Variants in REPS2 observed in about 807,000 individuals in gnomAD.
REPS2 encodes the protein RALBP1 associated Eps domain containing 2.
A neutral mutation model predicts 53.6 loss-of-function variants in REPS2; 23 were observed. The ratio of observed to expected loss-of-function variants is 0.43; its 90% CI spans 0.31 to 0.61. The LOEUF (loss-of-function observed/expected upper bound fraction) is 0.61, where lower values mean the gene tolerates loss of function less well. Among genes scored for constraint, REPS2 ranks in the 20% least tolerant of loss-of-function variants. The pLI, the probability that REPS2 is intolerant of heterozygous loss-of-function variation, is 0.11. For synonymous variants in REPS2, 238 were observed against 218.6 expected (o/e 1.09, Z -0.78); for missense variants, 446 against 534.9 (o/e 0.83, Z 1.64).
chrX:17,164,549 A>G, the REPS2 span, among the ~76,000 whole-genome samples: 1 of 112,437 alleles, frequency 8.9e-6, no homozygotes, highest in Non-Finnish European at 1.9e-5. Context: ...TATAACAATC[A>G]TAAACATATG....
At chrX:17,051,628 A>C (rs1360481126) in intron 6 of REPS2, among the ~76,000 whole-genome samples, 1 of 112,310 alleles carries the variant, frequency 8.9e-6, no homozygotes, top group Non-Finnish European at 1.9e-5. Flanking sequence ...TTGGAGTATT[A>C]AGAATAATGC....
intron 17 of REPS2, among the ~76,000 whole-genome samples, chrX:17,146,640 A>G (rs893595823): frequency 2.7e-5 from 3 of 112,035 alleles, no homozygotes; most frequent in Non-Finnish European, 5.6e-5. Context: ...ATAGAAACCA[A>G]GAGACTTCCG....
At chrX:16,965,083 C>T (rs1334333717) in intron 1 of REPS2, among the ~76,000 whole-genome samples, 10 of 87,340 alleles carry the variant, frequency 1.1e-4, no homozygotes, top group African/African-American at 3.2e-4. Flanking sequence ...GCTGGCCGGG[C>T]GGGGGGCTGA....
intron 7 of REPS2, among the ~76,000 whole-genome samples, chrX:17,054,019 C>G (rs1264970460): frequency 8.9e-6 from 1 of 112,305 alleles, no homozygotes; most frequent in Admixed American, 9.4e-5. Context: ...ACACTTGTCC[C>G]TGTCTACCTA....
chrX:17,148,999 T>C lies in REPS2; in HGVS notation c.*1518T>C, dbSNP rs764460458. On this transcript the variant is annotated 3_prime_UTR_variant, in exon 18 of 18. Transcript: ENST00000357277. ...TGTTTCCTTAGTCCATTGGCAAGCT[T>C]TATCAATAGCTTAATGGCAGAGGAT... 20 of 373,319 alleles carry C rather than the reference T, an allele frequency of 5.4e-5. No individual in the cohort carries two copies. The East Asian group carries it at 1.5e-3, about 28-fold the overall frequency. The allele number at this position is 373,319 out of a possible 1,213,427, so 30.8% of individuals were successfully genotyped here. A position where few individuals can be genotyped will look rare whatever the true frequency, so the allele number is the denominator to read the frequency against.
At position 17,147,488 on chromosome X, in the gene REPS2, C is replaced by A; in HGVS notation, c.*7C>A. The A allele has an allele frequency of 8.4e-7, 1 of 1,186,114 alleles. No individual in the cohort carries two copies. Among genetic ancestry groups the A allele is most frequent in the Non-Finnish European group, 1.1e-6 (1 of 877,161 alleles). On this transcript the variant is annotated 3_prime_UTR_variant, in exon 18 of 18. Transcript: ENST00000357277. Reference sequence around the variant, plus strand: ...TCCGGTCACTGTGTTGTGACCCCCCCATGGTTCAAGTGACAGTGGGTGACC... The same window carrying A: ...TCCGGTCACTGTGTTGTGACCCCCCAATGGTTCAAGTGACAGTGGGTGACC...
chrX:17,112,328 G>C (rs2062982758), intron 14 of REPS2, among the ~76,000 whole-genome samples: 1 of 111,379 alleles, frequency 9.0e-6, no homozygotes. Flanking sequence ...ACTTCAAGTA[G>C]ACAGAAGACC....
intron 13 of REPS2, among the ~76,000 whole-genome samples, 198 bp downstream of exon 13, chrX:17,077,605 C>A (rs1285081000): frequency 1.8e-5 from 2 of 112,175 alleles, no homozygotes; most frequent in Admixed American, 1.9e-4. Context: ...TGTCTGGAGC[C>A]TTGCCCACAC....
chrX:17,135,790 T>C (rs770359291), intron 16 of REPS2: 3 of 146,028 alleles, frequency 2.1e-5, no homozygotes, highest in Non-Finnish European at 3.9e-5. Context: ...TCAGGGCAAA[T>C]GGCTAGCTCC....
chrX:17,103,748 C>T lies in REPS2; in HGVS notation c.1547C>T (p.Pro516Leu). 1 of 1,210,808 alleles carries T rather than the reference C, an allele frequency of 8.3e-7. No individual in the cohort carries two copies. The change falls in exon 14 of 18, where the codon CCT becomes CTT. Residue 516 changes from proline to leucine, a missense_variant. By Grantham distance (98) the Pro-to-Leu change is moderately conservative. Transcript: ENST00000357277. Reference sequence around the variant, plus strand: ...AAGTCAGGATTGTTACCCCCACCACCTGCGCTCCCTCCAAGACCTTGTCCA... The same window carrying T: ...AAGTCAGGATTGTTACCCCCACCACTTGCGCTCCCTCCAAGACCTTGTCCA... ...ATKSGLLPPPPALPPRPCPSQ... is the reference protein window; with the variant it reads ...ATKSGLLPPPLALPPRPCPSQ...
intron 13 of REPS2, among the ~76,000 whole-genome samples, chrX:17,096,334 C>T (rs935307961): frequency 9.0e-6 from 1 of 111,608 alleles, no homozygotes; most frequent in Non-Finnish European, 1.9e-5. Context: ...ACAAAGCCCT[C>T]AGATACTGAA....
chrX:17,041,128 C>T (rs866639210), intron 5 of REPS2, among the ~76,000 whole-genome samples: 1 of 111,750 alleles, frequency 8.9e-6, no homozygotes, highest in Non-Finnish European at 1.9e-5. Context: ...ACTGTGCCAT[C>T]GTCTGTTCAG....
intron 1 of REPS2, among the ~76,000 whole-genome samples, chrX:16,968,587 G>A (rs1397434859): frequency 9.6e-6 from 1 of 103,946 alleles, no homozygotes; most frequent in African/African-American, 3.5e-5. Context: ...CTTCCCAGTA[G>A]GGGCGGCCAG....
chrX:16,976,457 A>G (rs894247445), intron 1 of REPS2, among the ~76,000 whole-genome samples: 5 of 111,310 alleles, frequency 4.5e-5, no homozygotes, highest in Admixed American at 9.6e-5. Context: ...TTGTCTACCA[A>G]TTGGATATAG....
At chrX:17,022,305 C>T (rs1180718864) in intron 3 of REPS2, 34 bp downstream of exon 3, 1 of 1,170,079 alleles carries the variant, frequency 8.5e-7, no homozygotes, top group Admixed American at 2.3e-5. Context: ...TCATTTGATT[C>T]TGACCATGAA....
At chrX:17,092,607 A>G (rs1475211683) in intron 13 of REPS2, among the ~76,000 whole-genome samples, 1 of 109,547 alleles carries the variant, frequency 9.1e-6, no homozygotes, top group Non-Finnish European at 1.9e-5. Context: ...CACTTGACGA[A>G]TAAACCTGCA....
At chrX:17,076,573 C>T (rs1203497458) in intron 12 of REPS2, among the ~76,000 whole-genome samples, 1 of 112,042 alleles carries the variant, frequency 8.9e-6, no homozygotes, top group Non-Finnish European at 1.9e-5. Flanking sequence ...GAGTTTGAAT[C>T]GAACTGTGTA....
In REPS2 at chrX:17,131,908, T is replaced by G. The variant is rs183477270; in HGVS notation, c.1579-1916T>G. On this transcript the variant is annotated intron_variant, in intron 14 of 17. Transcript: ENST00000357277. ...GAAGGGCCATATTTACTAGAGTTTT[T>G]TTTTTTTTTTTTCCCAAACTGTGTC... Among the ~76,000 whole-genome samples the G allele has an allele frequency of 5.3e-3, 584 of 110,464 alleles. 6 individuals carry two copies. The highest frequency in any genetic ancestry group is 0.016 in the African/African-American group (488 of 30,310).
chrX:17,096,167 C>CA (rs745625067), intron 13 of REPS2, among the ~76,000 whole-genome samples: 30 of 111,738 alleles, frequency 2.7e-4, no homozygotes, highest in African/African-American at 8.5e-4. Context: ...ATAGTACCCT[C>CA]AGATTTCTGG....
Sources: allele counts gnomAD v4.1 joint callset (sites outside exome capture counted in the v4.1 genomes callset), GRCh38; gene constraint gnomAD v4.1.1; transcripts MANE v1.5; gene names NCBI Gene and HGNC (gene_info 2026-07-23, HGNC 2026-07-21).